Variants in ABL1 observed in about 807,000 individuals in gnomAD.
ABL1 encodes tyrosine-protein kinase ABL1.
In ABL1, 11 loss-of-function variants were observed where a neutral mutation model predicts 94.7. The ratio of observed to expected loss-of-function variants is 0.12; its 90% CI spans 0.07 to 0.19. The LOEUF (loss-of-function observed/expected upper bound fraction) is 0.19, where lower values mean the gene tolerates loss of function less well. Among genes scored for constraint, ABL1 ranks in the 10% least tolerant of loss-of-function variants. The pLI is 1.00. For missense variants in ABL1, 1,082 were observed against 1,489.4 expected, an observed-to-expected ratio of 0.73 and a Z score of 4.50; for synonymous variants, 656 against 622.4, an observed-to-expected ratio of 1.05 and a Z score of -0.80.
intron 1 of ABL1, among the ~76,000 whole-genome samples, chr9:130,775,714 G>C (rs1832302986): frequency 6.6e-6 from 1 of 151,370 alleles, no homozygotes; most frequent in Non-Finnish European, 1.5e-5. Context: ...AGAATCTTTA[G>C]ATTCAGGAAT....
intron 1 of ABL1, among the ~76,000 whole-genome samples, chr9:130,721,058 T>A (rs915226947): frequency 2.6e-5 from 4 of 151,250 alleles, no homozygotes; most frequent in African/African-American, 9.7e-5. Context: ...TCTCAAAACT[T>A]TATTTAAAAT....
At chr9:130,747,291 T>A (rs925494193) in intron 1 of ABL1, among the ~76,000 whole-genome samples, 4 of 152,030 alleles carry the variant, frequency 2.6e-5, no homozygotes, top group African/African-American at 9.7e-5. Context: ...GGTGGGAGGA[T>A]CACTTAAGCC....
Position 130,872,038 on chromosome 9 carries a change from T to G in ABL1, c.823-91T>G. The G allele has an allele frequency of 1.7e-6, 2 of 1,169,086 alleles. No homozygotes were observed. The highest frequency in any genetic ancestry group is 2.5e-6 in the Non-Finnish European group (2 of 798,540). 72.4% of individuals were successfully genotyped at this position (1,169,086 alleles called of 1,614,324 possible). A position where few individuals can be genotyped will look rare whatever the true frequency, so the allele number is the denominator to read the frequency against. ...AACGCAGCCCAGGACGAGTATGCGC[T>G]GAAGCTCCATTTTGCATTAACTAGT... is the stretch of plus-strand genomic sequence containing the variant. On this transcript the variant is annotated intron_variant, in intron 4 of 10. Coordinates refer to ENST00000318560, the MANE Select transcript of ABL1 (RefSeq NM_005157.6). This position sits in a 1 kb window ranked among gnomAD's most constrained non-coding sequence, Gnocchi z 5.0.
At chr9:130,809,299 G>A (rs545661308) in intron 1 of ABL1, among the ~76,000 whole-genome samples, 49 of 152,048 alleles carry the variant, frequency 3.2e-4, no homozygotes, top group African/African-American at 1.1e-3. Flanking sequence ...AATAGTTCCT[G>A]TTCCCAGTAG....
chr9:130,881,736 A>G (rs932827688), intron 10 of ABL1, among the ~76,000 whole-genome samples: 1 of 152,132 alleles, frequency 6.6e-6, no homozygotes, highest in African/African-American at 2.4e-5. Context: ...GGGGATGGCA[A>G]TGGTGGACTC....
At chr9:130,795,226 G>A (rs1829959650) in intron 1 of ABL1, among the ~76,000 whole-genome samples, 1 of 152,170 alleles carries the variant, frequency 6.6e-6, no homozygotes, top group Non-Finnish European at 1.5e-5. Context: ...TCAAAAAACA[G>A]GAAGGATGCC....
chr9:130,747,490 T>C (rs1831902986), intron 1 of ABL1, among the ~76,000 whole-genome samples: 1 of 152,202 alleles, frequency 6.6e-6, no homozygotes, highest in Admixed American at 6.5e-5. Flanking sequence ...CTCAGCTCAC[T>C]GCAACCTCTG....
chr9:130,735,113 TCCGCCGC>T (rs1337147047), intron 1 of ABL1, among the ~76,000 whole-genome samples: 2 of 152,134 alleles, frequency 1.3e-5, no homozygotes, highest in African/African-American at 4.8e-5. Flanking sequence ...TACCGCAACC[TCCGCCGC>T]CTGGGTTCAA....
chr9:130,809,802 G>T (rs909444796), intron 1 of ABL1, among the ~76,000 whole-genome samples: 23 of 152,174 alleles, frequency 1.5e-4, no homozygotes, highest in Non-Finnish European at 2.9e-4. Context: ...TTTGACCAAA[G>T]ATCTGAGCAC....
chr9:130,786,488 A>G (rs560195620), intron 1 of ABL1, among the ~76,000 whole-genome samples: 1 of 152,288 alleles, frequency 6.6e-6, no homozygotes, highest in Admixed American at 6.5e-5. Flanking sequence ...TTTGTTAATA[A>G]TTCTTTTATT....
chr9:130,729,658 A>G (rs7041983), intron 1 of ABL1, among the ~76,000 whole-genome samples: 50,367 of 152,026 alleles, frequency 0.33, 12,382 homozygotes, highest in African/African-American at 0.67. Flanking sequence ...TTATTCAGCC[A>G]TACAGTTGTT....
At chr9:130,830,600 G>C (rs1267040570), upstream of ABL1, among the ~76,000 whole-genome samples, 1 of 152,134 alleles carries the variant, frequency 6.6e-6, no homozygotes, top group Admixed American at 6.5e-5. Flanking sequence ...TTTTCATATA[G>C]CATGTTTGTT....
intron 1 of ABL1, 118 bp from the exon 2 acceptor site, chr9:130,853,945 TG>T: frequency 1.9e-6 from 2 of 1,044,832 alleles, no homozygotes; most frequent in Admixed American, 5.4e-5. Context: ...TGTTAAGAAA[TG>T]AAATAGGAAT....
chr9:130,715,634 A>C (rs536577079), intron 1 of ABL1, among the ~76,000 whole-genome samples: 159 of 152,350 alleles, frequency 1.0e-3, no homozygotes, highest in Non-Finnish European at 1.8e-3. Context: ...AGGATTTAAA[A>C]AGTGAATTAT....
intron 1 of ABL1, among the ~76,000 whole-genome samples, chr9:130,818,899 C>G (rs1830323641): frequency 6.6e-6 from 1 of 152,184 alleles, no homozygotes; most frequent in South Asian, 2.1e-4. Context: ...CCCAAGAACG[C>G]TTTCCTAACA....
At chr9:130,789,110 A>G (rs76905272) in intron 1 of ABL1, among the ~76,000 whole-genome samples, 2 of 152,322 alleles carry the variant, frequency 1.3e-5, no homozygotes, top group African/African-American at 4.8e-5. Context: ...CATAAAATAC[A>G]AACCTTGGGT....
exon 1 of ABL1, chr9:130,714,257 G>T: frequency 1.3e-6 from 2 of 1,491,134 alleles, no homozygotes; most frequent in Admixed American, 2.4e-5. Context: ...TTCCCTCTAC[G>T]CTCGCTGACC....
chr9:130,765,447 T>G (rs1832171078), intron 1 of ABL1, among the ~76,000 whole-genome samples: 1 of 152,244 alleles, frequency 6.6e-6, no homozygotes, highest in Non-Finnish European at 1.5e-5. Context: ...TTCTATTGTT[T>G]GTAGTTTTTC....
upstream of ABL1, among the ~76,000 whole-genome samples, chr9:130,833,362 T>C (rs1830516649): frequency 1.3e-5 from 2 of 152,250 alleles, no homozygotes; most frequent in Non-Finnish European, 2.9e-5. Flanking sequence ...TTTTCACTAG[T>C]TGGTACTGGT....
Sources: gnomAD v4.1 joint callset for allele counts (sites outside exome capture counted in the v4.1 genomes callset) on GRCh38, gnomAD v4.1.1 for gene constraint, Gnocchi (gnomAD v3.1) non-coding constraint, MANE v1.5 for transcripts, NCBI Gene and HGNC (gene_info 2026-07-23, HGNC 2026-07-21) for gene names.